CACNA1D: variants seen among roughly 807,000 people sequenced by gnomAD.
The protein encoded by CACNA1D is voltage-dependent L-type calcium channel subunit alpha-1D.
CACNA1D carries 55 observed loss-of-function variants against 257.1 expected under a neutral mutation model. The ratio of observed to expected loss-of-function variants is 0.21; its 90% CI spans 0.17 to 0.27. The LOEUF (loss-of-function observed/expected upper bound fraction) is 0.27, where lower values mean the gene tolerates loss of function less well. Ranked by LOEUF, CACNA1D falls within the 10% of genes least tolerant of loss-of-function variation. CACNA1D has a pLI of 1.00. For missense variants in CACNA1D, 1,876 were observed against 2,784.0 expected, an observed-to-expected ratio of 0.67 and a Z score of 7.34; for synonymous variants, 980 against 1,014.9, an observed-to-expected ratio of 0.97 and a Z score of 0.65.
At chr3:53,621,611 G>A (rs2093697755) in intron 3 of CACNA1D, among the ~76,000 whole-genome samples, 1 of 152,200 alleles carries the variant, frequency 6.6e-6, no homozygotes, top group South Asian at 2.1e-4. Context: ...CATCATAAAA[G>A]TCTGATACAG....
At chr3:53,533,811 A>G (rs1270703655) in intron 3 of CACNA1D, among the ~76,000 whole-genome samples, 1 of 152,220 alleles carries the variant, frequency 6.6e-6, no homozygotes, top group Admixed American at 6.5e-5. Flanking sequence ...TTTTACAAGT[A>G]GTTGTAATTT....
chr3:53,733,907 G>A (rs986353372), intron 19 of CACNA1D, among the ~76,000 whole-genome samples: 2 of 136,764 alleles, frequency 1.5e-5, no homozygotes, highest in African/African-American at 5.4e-5. Context: ...GACACCTACA[G>A]CCCTTTGTGT....
chr3:53,547,195 G>C (rs2092430311), intron 3 of CACNA1D, among the ~76,000 whole-genome samples: 2 of 152,130 alleles, frequency 1.3e-5, no homozygotes, highest in South Asian at 4.1e-4. Context: ...TGTGTGCTGG[G>C]TGCAAGGCAT....
intron 45 of CACNA1D, 27 bp from the exon 46 acceptor site, chr3:53,808,622 G>A: frequency 6.2e-7 from 1 of 1,604,466 alleles, no homozygotes; most frequent in Non-Finnish European, 8.5e-7. Flanking sequence ...TTGCTTCACA[G>A]CTGTGTGATG....
intron 8 of CACNA1D, among the ~76,000 whole-genome samples, chr3:53,694,411 AGCTG>A (rs1159981901): frequency 1.3e-5 from 2 of 152,114 alleles, no homozygotes; most frequent in African/African-American, 4.8e-5. Context: ...TAGTGAGCAG[AGCTG>A]GGCTTTATGC....
intron 3 of CACNA1D, among the ~76,000 whole-genome samples, chr3:53,548,453 G>C (rs539421089): frequency 4.0e-5 from 6 of 150,190 alleles, no homozygotes; most frequent in Non-Finnish European, 8.9e-5. Context: ...AGAAGCAGCC[G>C]GCTGAGAACT....
At chr3:53,716,556 G>A (rs1021341812) in intron 9 of CACNA1D, among the ~76,000 whole-genome samples, 1 of 145,032 alleles carries the variant, frequency 6.9e-6, no homozygotes, top group African/African-American at 2.6e-5. Context: ...CATGATTAGA[G>A]TCGTATTTTT....
chr3:53,747,265 G>A (rs1185683553), intron 25 of CACNA1D, 37 bp from the exon 26 acceptor site: 1 of 1,602,058 alleles, frequency 6.2e-7, no homozygotes, highest in Admixed American at 1.7e-5. Flanking sequence ...CCTGTCATGT[G>A]TGAAGCCAGA....
intron 3 of CACNA1D, among the ~76,000 whole-genome samples, chr3:53,643,625 T>C (rs930948): frequency 0.014 from 2,094 of 152,256 alleles, 24 homozygotes; most frequent in Non-Finnish European, 0.022. Flanking sequence ...GCTCACCAGG[T>C]CATAGACAAT....
chr3:53,777,279 G>A (rs3774586), intron 37 of CACNA1D, among the ~76,000 whole-genome samples: 94,889 of 151,982 alleles, frequency 0.62, 30,195 homozygotes, highest in African/African-American at 0.65. Flanking sequence ...AATGGACATC[G>A]TAATGGCAAA....
Position 53,701,244 on chromosome 3 carries a change from C to A in CACNA1D, c.1221-1397C>A, listed in dbSNP as rs555237939. ...GCAACCTCTGCCTCCCAGGTTCAAG[C>A]AATTCTCTTGCCTCAGCCTCCTGAG... On this transcript the variant is annotated intron_variant, in intron 8 of 47. Coordinates refer to ENST00000350061, the MANE Select transcript of CACNA1D (RefSeq NM_001128840.3). Among the ~76,000 whole-genome samples, 6 of 152,248 alleles carry A rather than the reference C, an allele frequency of 3.9e-5. No individual in the cohort carries two copies. The East Asian group carries it at 9.6e-4, about 24-fold the overall frequency.
chr3:53,776,806 A>C (rs2095400404), intron 36 of CACNA1D, 54 bp from the exon 37 acceptor site: 2 of 1,613,200 alleles, frequency 1.2e-6, no homozygotes, highest in African/African-American at 1.3e-5. Context: ...AGTGGACTGA[A>C]AGTTCGGGCC....
At chr3:53,777,667 G>C (rs1007421746) in intron 37 of CACNA1D, among the ~76,000 whole-genome samples, 2 of 152,172 alleles carry the variant, frequency 1.3e-5, no homozygotes, top group African/African-American at 4.8e-5. Flanking sequence ...CTCTGCTACA[G>C]AGCTTTGTGG....
At chr3:53,505,920 T>C (rs1232103356) in intron 3 of CACNA1D, among the ~76,000 whole-genome samples, 1 of 152,198 alleles carries the variant, frequency 6.6e-6, no homozygotes, top group Non-Finnish European at 1.5e-5. Flanking sequence ...CTTTGATTGC[T>C]TTCTTTCCTC....
rs374214489 is a variant in CACNA1D, at chr3:53,501,860, TTTTG to T, written c.483+156_483+159del. The T allele has an allele frequency of 1.9e-4, 123 of 659,450 alleles. No individual in the cohort carries two copies. The Middle Eastern group carries it at 2.4e-3, about 13-fold the overall frequency. 40.8% of individuals were successfully genotyped at this position (659,450 alleles called of 1,614,324 possible). A position where few individuals can be genotyped will look rare whatever the true frequency, so the allele number is the denominator to read the frequency against. ...TTCTTGGAGCTTTGCAACAGTGGTT[TTTTG>T]TTTGTTTGTTTGTTTTAACCTGTAT... On this transcript the variant is annotated intron_variant, in intron 3 of 47. Coordinates refer to ENST00000350061, the MANE Select transcript of CACNA1D (RefSeq NM_001128840.3).
At chr3:53,779,790 T>C (rs1346145731) in intron 37 of CACNA1D, among the ~76,000 whole-genome samples, 1 of 152,180 alleles carries the variant, frequency 6.6e-6, no homozygotes, top group Non-Finnish European at 1.5e-5. Context: ...TAATCTCATC[T>C]GGAAAAACCC....
intron 3 of CACNA1D, among the ~76,000 whole-genome samples, chr3:53,552,006 G>A (rs1244071873): frequency 6.6e-6 from 1 of 152,206 alleles, no homozygotes; most frequent in Non-Finnish European, 1.5e-5. Flanking sequence ...CCCTGAGGAT[G>A]CAGAAGTACT....
Position 53,811,052 on chromosome 3 carries a change from T to C in CACNA1D, c.6193-61T>C. 1 of 1,351,122 alleles carries C rather than the reference T, an allele frequency of 7.4e-7. No homozygotes were observed. The highest frequency in any genetic ancestry group is 1.1e-6 in the Non-Finnish European group (1 of 940,838). 83.7% of individuals were successfully genotyped at this position (1,351,122 alleles called of 1,614,324 possible). On this transcript the variant is annotated intron_variant, in intron 47 of 47. Transcript: ENST00000350061. The surrounding 1 kb of genome is among the most constrained non-coding windows in gnomAD (Gnocchi z 4.2). ...AGCACTGGAGTTGATTTTTCTGTCG[T>C]CCCCCTGCCCTGCAAAGCCTTATAA...
Position 53,495,116 on chromosome 3 carries a change from A to AAC in CACNA1D, c.-51_-50insAC. 1 of 1,489,974 alleles carries AAC rather than the reference A, an allele frequency of 6.7e-7. No individual in the cohort carries two copies. Among genetic ancestry groups the AAC allele is most frequent in the Non-Finnish European group, 9.3e-7 (1 of 1,079,692 alleles). 92.3% of individuals were successfully genotyped at this position (1,489,974 alleles called of 1,614,324 possible). A position where few individuals can be genotyped will look rare whatever the true frequency, so the allele number is the denominator to read the frequency against. ...CCTTCCCCATTCCGCCCCCGCCTCA[A>AAC]CGCCCAGCACAGTGCCCTGCACACA... is the stretch of plus-strand genomic sequence containing the variant. On this transcript the variant is annotated 5_prime_UTR_variant, in exon 1 of 48. Transcript: ENST00000350061. This position sits in a 1 kb window ranked among gnomAD's most constrained non-coding sequence, Gnocchi z 5.1.
Sources: allele counts gnomAD v4.1 joint callset (sites outside exome capture counted in the v4.1 genomes callset), GRCh38; gene constraint gnomAD v4.1.1; non-coding constraint Gnocchi (gnomAD v3.1); transcripts MANE v1.5; gene names NCBI Gene and HGNC (gene_info 2026-07-23, HGNC 2026-07-21).